The following PIK3R1 variants were observed in gnomAD, a reference collection of about 807,000 sequenced individuals.
The protein encoded by PIK3R1 is phosphoinositide-3-kinase regulatory subunit 1.
PIK3R1 carries 29 observed loss-of-function variants against 98.0 expected under a neutral mutation model. The observed-to-expected ratio is 0.30, with a 90% CI of 0.22 to 0.40. The LOEUF (loss-of-function observed/expected upper bound fraction) is 0.40. Among genes scored for constraint, PIK3R1 ranks in the 10% least tolerant of loss-of-function variants. The probability of loss-of-function intolerance (pLI) is 1.00; values close to 1 mark genes in which losing one functional copy is unlikely to be tolerated. For missense variants in PIK3R1, 596 were observed against 872.7 expected (o/e 0.68, Z 3.99); for synonymous variants, 282 against 311.8 (o/e 0.90, Z 1.01).
At chr5:68,293,037 T>TA (rs1338882678) in intron 8 of PIK3R1, 64 bp from the exon 9 acceptor site, 1 of 1,366,156 alleles carries the variant, frequency 7.3e-7, no homozygotes, top group Non-Finnish European at 1.0e-6. Context: ...TAGCCTATTT[T>TA]AAAAAATATA....
At chr5:68,291,880 C>T in intron 7 of PIK3R1, 1 of 157,946 alleles carries the variant, frequency 6.3e-6, no homozygotes, top group Non-Finnish European at 1.4e-5. Flanking sequence ...CATGTTATTC[C>T]TGCTACTCAT....
rs115796923 is a variant in PIK3R1 at position 68,296,072 on chromosome 5, C to T, written c.1815-99C>T. On this transcript the variant is annotated intron_variant, in intron 14 of 15. Transcript: ENST00000521381. ...GCCAGTCTGACTGGCTTGGTAGGGG[C>T]CAGGAGGGAAGTGACGGGGGTATGC... 1,211 of 1,167,376 alleles carry T rather than the reference C, an allele frequency of 1.0e-3. 14 individuals carry two copies. In the African/African-American group the frequency reaches 0.016, roughly 15 times the overall value. The allele number at this position is 1,167,376 out of a possible 1,614,324, so 72.3% of individuals were successfully genotyped here. A position where few individuals can be genotyped will look rare whatever the true frequency, so the allele number is the denominator to read the frequency against.
chr5:68,221,001 G>A (rs772042288), intron 1 of PIK3R1, among the ~76,000 whole-genome samples: 8 of 152,190 alleles, frequency 5.3e-5, no homozygotes, highest in African/African-American at 1.9e-4. Flanking sequence ...AGGAGGCTGT[G>A]CTCTCTTGAA....
intron 11 of PIK3R1, 53 bp downstream of exon 11, chr5:68,293,887 G>A (rs912923361): frequency 1.4e-5 from 19 of 1,361,146 alleles, no homozygotes; most frequent in Non-Finnish European, 1.9e-5. Context: ...AACTTTTAAA[G>A]ACTAACATGG....
rs1016643906 is a variant in PIK3R1 at position 68,297,721 on chromosome 5, G to A, written c.*120G>A. The stretch of plus-strand genomic sequence containing the variant: ...TGCAGAAACGAAGCCATCTTTCTTT[G>A]GATGGGACTAGAGCTTTCTTTCACA... On this transcript the variant is annotated 3_prime_UTR_variant, in exon 16 of 16. Transcript: ENST00000521381. The A allele has an allele frequency of 2.4e-5, 19 of 798,566 alleles. No homozygotes were observed. The highest frequency in any genetic ancestry group is 3.9e-5 in the Non-Finnish European group (19 of 490,738). 49.5% of individuals were successfully genotyped at this position (798,566 alleles called of 1,614,324 possible). A position where few individuals can be genotyped will look rare whatever the true frequency, so the allele number is the denominator to read the frequency against.
In PIK3R1 at chr5:68,285,754, A is replaced by C. The variant is rs568349513; in HGVS notation, c.916+4748A>C. Among the ~76,000 whole-genome samples the C allele has an allele frequency of 2.6e-5, 4 of 152,258 alleles. No individual in the cohort carries two copies. The South Asian group carries it at 8.3e-4, about 32-fold the overall frequency. ...ATGCCTTTATCAGAAACCTGGTAGA[A>C]TGTGTCAGAGTTTATACATACGTAA... is the stretch of plus-strand genomic sequence containing the variant. On this transcript the variant is annotated intron_variant, in intron 7 of 15. Coordinates refer to ENST00000521381, the MANE Select transcript of PIK3R1 (RefSeq NM_181523.3).
chr5:68,282,945 T>G (rs1274090788), intron 7 of PIK3R1, among the ~76,000 whole-genome samples: 1 of 152,238 alleles, frequency 6.6e-6, no homozygotes, highest in Non-Finnish European at 1.5e-5. Context: ...GTGTCTCTCA[T>G]GTGTGCATAC....
chr5:68,238,449 AT>A (rs1172836519), intron 2 of PIK3R1, among the ~76,000 whole-genome samples: 3 of 152,176 alleles, frequency 2.0e-5, no homozygotes, highest in Middle Eastern at 3.2e-3. Flanking sequence ...CTGTTATAGT[AT>A]TTCCACTTAG....
Position 68,299,937 on chromosome 5 carries a change from T to A in PIK3R1, c.*2336T>A, listed in dbSNP as rs1747946914. The A allele has an allele frequency of 4.3e-6, 1 of 233,156 alleles. No homozygotes were observed. The highest frequency in any genetic ancestry group is 2.2e-5 in the African/African-American group (1 of 45,358). The allele number at this position is 233,156 out of a possible 1,614,324, so 14.4% of individuals were successfully genotyped here. On this transcript the variant is annotated 3_prime_UTR_variant, in exon 16 of 16. Coordinates refer to ENST00000521381, the MANE Select transcript of PIK3R1 (RefSeq NM_181523.3). ...GTCTGCGTCTCTGCTTTAAAGTTAT[T>A]GTGATATCCTTCTAGATCATACACA...
In PIK3R1 at chr5:68,217,653, T is replaced by TGTGCGCGCGCGCGC. The variant is rs1386976488; in HGVS notation, c.-387+1705_-387+1706insTGCGCGCGCGCGCG. On this transcript the variant is annotated intron_variant, in intron 1 of 15. Transcript: ENST00000521381. ...GGGTGTGTGTGTGTGTGTGTGTGTGTGCGCGCGCGTGCCTGCGGCTAAAGT... is the reference window on the plus strand; with the variant it reads ...GGGTGTGTGTGTGTGTGTGTGTGTGTGTGCGCGCGCGCGCGCGCGCGCGTGCCTGCGGCTAAAGT... The TGTGCGCGCGCGCGC allele has an allele frequency of 5.0e-4, 74 of 149,396 alleles. 1 individual carries two copies. Among genetic ancestry groups the TGTGCGCGCGCGCGC allele is most frequent in the African/African-American group, 1.8e-3 (71 of 40,156 alleles). 9.3% of individuals were successfully genotyped at this position (149,396 alleles called of 1,614,324 possible). A position where few individuals can be genotyped will look rare whatever the true frequency, so the allele number is the denominator to read the frequency against.
intron 2 of PIK3R1, among the ~76,000 whole-genome samples, chr5:68,228,617 AT>A (rs925439606): frequency 6.6e-6 from 1 of 151,922 alleles, no homozygotes; most frequent in Non-Finnish European, 1.5e-5. Flanking sequence ...TTCACCTTTT[AT>A]TTTTTTTAAG....
intron 2 of PIK3R1, among the ~76,000 whole-genome samples, chr5:68,239,655 A>G (rs1430307889): frequency 1.3e-5 from 2 of 152,228 alleles, no homozygotes; most frequent in Non-Finnish European, 2.9e-5. Flanking sequence ...CAATGCTCTT[A>G]AGCAACTGTG....
intron 12 of PIK3R1, among the ~76,000 whole-genome samples, 161 bp downstream of exon 12, chr5:68,294,839 T>C (rs1297251522): frequency 6.6e-6 from 1 of 151,798 alleles, no homozygotes. Flanking sequence ...AGGGATAGCA[T>C]TGGGAGATAT....
rs1292459728 is a variant in PIK3R1 at position 68,263,211 on chromosome 5, ATATT to A, written c.335-10177_335-10174del. Among the ~76,000 whole-genome samples, 51 of 126,042 alleles carry A rather than the reference ATATT, an allele frequency of 4.0e-4. 1 individual carries two copies. The highest frequency in any genetic ancestry group is 1.1e-3 in the African/African-American group (33 of 30,270). The allele number at this position is 126,042 out of a possible 152,430, so 82.7% of individuals were successfully genotyped here. A position where few individuals can be genotyped will look rare whatever the true frequency, so the allele number is the denominator to read the frequency against. ...TATATCTACATATATATCTATATATATATTTCTACATATATATCTATATATGTAG... is the reference window on the plus strand; with the variant it reads ...TATATCTACATATATATCTATATATATCTACATATATATCTATATATGTAG... On this transcript the variant is annotated intron_variant, in intron 2 of 15. Coordinates refer to ENST00000521381, the MANE Select transcript of PIK3R1 (RefSeq NM_181523.3).
chr5:68,264,583 ACT>A (rs1746046184), intron 2 of PIK3R1, among the ~76,000 whole-genome samples: 1 of 152,198 alleles, frequency 6.6e-6, no homozygotes, highest in African/African-American at 2.4e-5. Context: ...AGTTTCTTAC[ACT>A]AAGTGTTCAC....
In PIK3R1 at chr5:68,280,521, C is replaced by G. The variant is rs1561289181; in HGVS notation, c.635-7C>G. 3 of 1,375,500 alleles carry G rather than the reference C, an allele frequency of 2.2e-6. No individual in the cohort carries two copies. Among genetic ancestry groups the G allele is most frequent in the Admixed American group, 3.8e-5 (2 of 52,094 alleles). The allele number at this position is 1,375,500 out of a possible 1,614,324, so 85.2% of individuals were successfully genotyped here. On this transcript the variant is annotated splice_polypyrimidine_tract_variant and splice_region_variant and intron_variant, in intron 5 of 15. Transcript: ENST00000521381. ...ATTTCTCTTTTTTTTTTTTTTTAAACTTGTAGAAGTACAAAGCTCCGAAGA... is the reference window on the plus strand; with the variant it reads ...ATTTCTCTTTTTTTTTTTTTTTAAAGTTGTAGAAGTACAAAGCTCCGAAGA...
At chr5:68,272,374 A>G (rs1746399717) in intron 2 of PIK3R1, among the ~76,000 whole-genome samples, 1 of 152,202 alleles carries the variant, frequency 6.6e-6, no homozygotes, top group Admixed American at 6.5e-5. Context: ...TTCTCAGATT[A>G]TATAAATTAT....
intron 2 of PIK3R1, among the ~76,000 whole-genome samples, chr5:68,255,996 A>T (rs1745501158): frequency 6.6e-6 from 1 of 152,178 alleles, no homozygotes; most frequent in Non-Finnish European, 1.5e-5. Flanking sequence ...AAGGAGTGGG[A>T]TGCTGAATTC....
Position 68,289,571 on chromosome 5 carries a change from C to T in PIK3R1, c.917-2688C>T, listed in dbSNP as rs180788358. On this transcript the variant is annotated intron_variant, in intron 7 of 15. Transcript: ENST00000521381. ...CCTTGGGGAAGAGCCCCTCCCCCCC[C>T]GCCATCATAATATTGTGAATGTAAA... is the stretch of plus-strand genomic sequence containing the variant. Among the ~76,000 whole-genome samples, 9 of 151,750 alleles carry T rather than the reference C, an allele frequency of 5.9e-5. No individual in the cohort carries two copies. In the South Asian group the frequency reaches 8.4e-4, roughly 14 times the overall value.
Sources: gnomAD v4.1 joint callset for allele counts (sites outside exome capture counted in the v4.1 genomes callset) on GRCh38, gnomAD v4.1.1 for gene constraint, MANE v1.5 for transcripts, NCBI Gene and HGNC (gene_info 2026-07-23, HGNC 2026-07-21) for gene names.